Variants in NRTN observed in about 807,000 individuals in gnomAD.
NRTN encodes prepro-neurturin.
NRTN carries 3 observed loss-of-function variants against 7.5 expected under a neutral mutation model. The observed-to-expected ratio is 0.40, with a 90% CI of 0.18 to 1.03. The LOEUF is 1.03. Among genes scored for constraint, NRTN ranks in the 50% least tolerant of loss-of-function variants. The pLI is 0.34. For missense variants in NRTN, 310 were observed against 307.0 expected (o/e 1.01, Z -0.07); for synonymous variants, 157 against 146.6 (o/e 1.07, Z -0.51).
In NRTN at chr19:5,823,342, G is replaced by A. The variant is rs370864689; in HGVS notation, c.-398-426G>A. On this transcript the variant is annotated intron_variant, in intron 1 of 2. Coordinates refer to ENST00000303212, the MANE Select transcript of NRTN (RefSeq NM_004558.5). ...TGAGGCAGGAGAATCGCTTGAACCC[G>A]GGAGGCAGAGGTTGCAGTGAGCTGA... Among the ~76,000 whole-genome samples the A allele has an allele frequency of 2.9e-4, 44 of 151,250 alleles. No individual in the cohort carries two copies. In the East Asian group the frequency reaches 7.7e-3, roughly 27 times the overall value.
chr19:5,809,310 A>G (rs2056983163), intron 1 of NRTN, among the ~76,000 whole-genome samples: 1 of 151,670 alleles, frequency 6.6e-6, no homozygotes, highest in African/African-American at 2.4e-5. Flanking sequence ...AGCTGGGACT[A>G]CAGGTACATG....
intron 2 of NRTN, among the ~76,000 whole-genome samples, chr19:5,824,934 C>A (rs2057039961): frequency 6.6e-6 from 1 of 152,056 alleles, no homozygotes; most frequent in Non-Finnish European, 1.5e-5. Context: ...GCCCTGAGGT[C>A]CCGTGGGGGC....
rs750165413 is a variant in NRTN, at chr19:5,828,206, C to T, written c.*33C>T. ...TCACTCGGCCGGCGCGGCGGCCACTCCCCCCGCCTCGACGGCACCACTGGC... is the reference window on the plus strand; with the variant it reads ...TCACTCGGCCGGCGCGGCGGCCACTTCCCCCGCCTCGACGGCACCACTGGC... On this transcript the variant is annotated 3_prime_UTR_variant, in exon 3 of 3. Transcript: ENST00000303212. 6.6e-7 allele frequency: 1 copy of T among 1,524,182 alleles called. No homozygotes were observed. The allele number at this position is 1,524,182 out of a possible 1,614,324, so 94.4% of individuals were successfully genotyped here. A position where few individuals can be genotyped will look rare whatever the true frequency, so the allele number is the denominator to read the frequency against.
At chr19:5,815,728 G>A (rs531990679) in intron 1 of NRTN, among the ~76,000 whole-genome samples, 3 of 147,016 alleles carry the variant, frequency 2.0e-5, no homozygotes, top group Non-Finnish European at 3.0e-5. Flanking sequence ...GAGCCACCGC[G>A]CCCGGCCTGT....
At position 5,828,024 on chromosome 19, in the gene NRTN, C is replaced by T; in HGVS notation, c.445C>T (p.Arg149Cys). Residue 149 changes from arginine to cysteine, a missense_variant, in exon 3 of 3, where the codon CGC becomes TGC. By Grantham distance (180) the Arg-to-Cys change is radical. Transcript: ENST00000303212. Reference sequence around the variant, plus strand: ...CTACGACCTCGGGCTGCGACGACTGCGCCAGCGGCGGCGCCTGCGGCGGGA... The same window carrying T: ...CTACGACCTCGGGCTGCGACGACTGTGCCAGCGGCGGCGCCTGCGGCGGGA... ...RVYDLGLRRL[R>C]QRRRLRRERV... The T allele has an allele frequency of 7.0e-7, 1 of 1,422,100 alleles. No individual in the cohort carries two copies. The highest frequency in any genetic ancestry group is 9.1e-7 in the Non-Finnish European group (1 of 1,096,362). The allele number at this position is 1,422,100 out of a possible 1,614,324, so 88.1% of individuals were successfully genotyped here.
At position 5,827,918 on chromosome 19, in the gene NRTN, C is replaced by T. The variant is rs1382254520; in HGVS notation, c.339C>T (p.Ser113=). The T allele has an allele frequency of 2.1e-6, 3 of 1,455,434 alleles. No homozygotes were observed. The highest frequency in any genetic ancestry group is 1.4e-5 in the South Asian group (1 of 72,536). The allele number at this position is 1,455,434 out of a possible 1,614,324, so 90.2% of individuals were successfully genotyped here. ...CGLRELEVRV[S]ELGLGYASDE... ...TGCGCGAGCTGGAGGTGCGCGTGAG[C>T]GAGCTGGGCCTGGGCTACGCGTCCG... The change falls in exon 3 of 3, where the codon AGC becomes AGT. Residue 113 remains serine (S), a synonymous_variant. Coordinates refer to ENST00000303212, the MANE Select transcript of NRTN (RefSeq NM_004558.5).
chr19:5,827,978 C>T lies in NRTN; in HGVS notation c.399C>T (p.Ala133=), dbSNP rs753780330. Residue 133 remains alanine, a synonymous_variant, in exon 3 of 3, where the codon GCC becomes GCT. Transcript: ENST00000303212. ...ETVLFRYCAG[A]CEAAARVYDL... ...TGCTGTTCCGCTACTGCGCAGGCGC[C>T]TGCGAGGCTGCCGCGCGCGTCTACG... The T allele has an allele frequency of 1.4e-6, 2 of 1,467,628 alleles. No individual in the cohort carries two copies. The highest frequency in any genetic ancestry group is 2.9e-5 in the East Asian group (1 of 34,306). 90.9% of individuals were successfully genotyped at this position (1,467,628 alleles called of 1,614,324 possible). A position where few individuals can be genotyped will look rare whatever the true frequency, so the allele number is the denominator to read the frequency against.
intron 1 of NRTN, among the ~76,000 whole-genome samples, chr19:5,816,843 G>A (rs1475811484): frequency 6.6e-6 from 1 of 152,234 alleles, no homozygotes; most frequent in African/African-American, 2.4e-5. Flanking sequence ...GAAGGTGGAA[G>A]CGTCCAAGTG....
chr19:5,805,964 C>T (rs1196447601), intron 1 of NRTN, among the ~76,000 whole-genome samples: 1 of 152,028 alleles, frequency 6.6e-6, no homozygotes, highest in Non-Finnish European at 1.5e-5. Flanking sequence ...GCCGGGGACA[C>T]GGTGTCCTCC....
Position 5,827,951 on chromosome 19 carries a change from G to A in NRTN, c.372G>A (p.Thr124=), listed in dbSNP as rs777342951. The A allele has an allele frequency of 5.4e-6, 8 of 1,484,398 alleles. No individual in the cohort carries two copies. Among genetic ancestry groups the A allele is most frequent in the East Asian group, 2.9e-5 (1 of 34,832 alleles). 92.0% of individuals were successfully genotyped at this position (1,484,398 alleles called of 1,614,324 possible). The change falls in exon 3 of 3, where the codon ACG becomes ACA. Residue 124 remains threonine, a synonymous_variant. Coordinates refer to ENST00000303212, the MANE Select transcript of NRTN (RefSeq NM_004558.5). ...ELGLGYASDE[T]VLFRYCAGAC... is the part of the protein sequence containing the mutation. ...GCCTGGGCTACGCGTCCGACGAGAC[G>A]GTGCTGTTCCGCTACTGCGCAGGCG...
chr19:5,828,264 A>C lies in NRTN; in HGVS notation c.*91A>C, dbSNP rs1017734118. On this transcript the variant is annotated 3_prime_UTR_variant, in exon 3 of 3. Transcript: ENST00000303212. Reference sequence around the variant, plus strand: ...GCGAAAGACTGCGCGTGCGTAGAGCACGCCGGCGCGGCCCCGGGACTCTCG... The same window carrying C: ...GCGAAAGACTGCGCGTGCGTAGAGCCCGCCGGCGCGGCCCCGGGACTCTCG... The C allele has an allele frequency of 5.7e-5, 79 of 1,389,376 alleles. No individual in the cohort carries two copies. The highest frequency in any genetic ancestry group is 1.2e-5 in the Non-Finnish European group (12 of 1,040,320). The allele number at this position is 1,389,376 out of a possible 1,614,324, so 86.1% of individuals were successfully genotyped here.
rs754919319 is a variant in NRTN, at chr19:5,824,342, C to T, written c.169+8C>T. 5.6e-6 allele frequency: 9 copies of T among 1,595,420 alleles called. No homozygotes were observed. Among genetic ancestry groups the T allele is most frequent in the Non-Finnish European group, 6.8e-6 (8 of 1,173,552 alleles). On this transcript the variant is annotated splice_region_variant and intron_variant, in intron 2 of 2. Coordinates refer to ENST00000303212, the MANE Select transcript of NRTN (RefSeq NM_004558.5). ...TTGCCCGCCTGGCCCAGTGTAAGCT[C>T]CTCCTCTGTGTGGGGTCAGATACCC...
At chr19:5,807,548 G>A (rs893083711) in intron 1 of NRTN, among the ~76,000 whole-genome samples, 2 of 152,150 alleles carry the variant, frequency 1.3e-5, no homozygotes, top group African/African-American at 4.8e-5. Flanking sequence ...ATATGAATGG[G>A]GCATGCCTGC....
rs187377679 is a variant in NRTN, at chr19:5,805,697, T to C, written c.-399+246T>C. ...AGCCCGAATCCAGCCGCGGTGTCCC[T>C]GTCCGACGGGGCGGGCGCACTCCTG... On this transcript the variant is annotated intron_variant, in intron 1 of 2. Transcript: ENST00000303212. 2.1e-3 allele frequency among the ~76,000 whole-genome samples: 312 copies of C among 152,078 alleles called. 1 individual carries two copies. The highest frequency in any genetic ancestry group is 7.3e-3 in the African/African-American group (303 of 41,506).
intron 1 of NRTN, among the ~76,000 whole-genome samples, chr19:5,822,066 C>G (rs1036261520): frequency 2.6e-5 from 4 of 152,134 alleles, no homozygotes; most frequent in African/African-American, 9.7e-5. Context: ...ACAGCTGGTG[C>G]TTAATAAATG....
chr19:5,819,376 A>T (rs2057015771), intron 1 of NRTN, among the ~76,000 whole-genome samples: 1 of 151,984 alleles, frequency 6.6e-6, no homozygotes, highest in South Asian at 2.1e-4. Flanking sequence ...AAAATATAAA[A>T]ATTGGTCAGG....
At chr19:5,825,133 G>A (rs1035081543) in intron 2 of NRTN, among the ~76,000 whole-genome samples, 3 of 152,124 alleles carry the variant, frequency 2.0e-5, no homozygotes, top group Non-Finnish European at 2.9e-5. Flanking sequence ...GAAGGGGTGA[G>A]GAGGGGTGGA....
At chr19:5,814,533 C>T (rs1279370347) in intron 1 of NRTN, among the ~76,000 whole-genome samples, 1 of 152,122 alleles carries the variant, frequency 6.6e-6, no homozygotes, top group African/African-American at 2.4e-5. Context: ...ACTGGGTGTG[C>T]CCGGCAGGTG....
intron 2 of NRTN, among the ~76,000 whole-genome samples, chr19:5,827,193 G>A (rs1425474464): frequency 6.6e-6 from 1 of 152,192 alleles, no homozygotes; most frequent in African/African-American, 2.4e-5. Flanking sequence ...CAGAGCAGAC[G>A]TCGGGGCCTG....
Sources: gnomAD v4.1 joint callset for allele counts (sites outside exome capture counted in the v4.1 genomes callset) on GRCh38, gnomAD v4.1.1 for gene constraint, MANE v1.5 for transcripts, NCBI Gene and HGNC (gene_info 2026-07-23, HGNC 2026-07-21) for gene names.